BMP5: variants seen among roughly 807,000 people sequenced by gnomAD.
The protein encoded by BMP5 is bone morphogenetic protein 5.
A neutral mutation model predicts 46.6 loss-of-function variants in BMP5; 23 were observed. That is an observed-to-expected ratio of 0.49 (90% confidence interval 0.35 to 0.70). The LOEUF (loss-of-function observed/expected upper bound fraction) is 0.70. BMP5 is among the 30% of genes least tolerant of loss of function. The pLI, the probability that BMP5 is intolerant of heterozygous loss-of-function variation, is 0.00. For missense variants in BMP5, 545 were observed against 565.6 expected (o/e 0.96, Z 0.37); for synonymous variants, 204 against 191.9 (o/e 1.06, Z -0.52).
intron 1 of BMP5, among the ~76,000 whole-genome samples, chr6:55,865,904 C>T (rs1777629792): frequency 6.6e-6 from 1 of 152,156 alleles, no homozygotes; most frequent in Non-Finnish European, 1.5e-5. Context: ...AGCTGGAATT[C>T]AAACCAGTCT....
chr6:55,839,215 A>T (rs187165161), intron 1 of BMP5, among the ~76,000 whole-genome samples: 1 of 152,076 alleles, frequency 6.6e-6, no homozygotes, highest in Admixed American at 6.6e-5. Context: ...TCCAATAAAT[A>T]TTCTACTTAT....
chr6:55,853,268 AT>A (rs1352819619), intron 1 of BMP5, among the ~76,000 whole-genome samples: 2 of 151,912 alleles, frequency 1.3e-5, no homozygotes, highest in East Asian at 3.9e-4. Context: ...GATAGATATT[AT>A]TTATCATATG....
intron 3 of BMP5, among the ~76,000 whole-genome samples, chr6:55,779,231 G>T (rs1046979147): frequency 6.6e-6 from 1 of 151,960 alleles, no homozygotes; most frequent in African/African-American, 2.4e-5. Flanking sequence ...TCTAAACGTT[G>T]ATATCACTTT....
intron 3 of BMP5, among the ~76,000 whole-genome samples, chr6:55,776,342 AC>A: frequency 6.6e-6 from 1 of 151,906 alleles, no homozygotes; most frequent in Non-Finnish European, 1.5e-5. Flanking sequence ...CAAATACCAT[AC>A]CTTGAACTGA....
intron 1 of BMP5, among the ~76,000 whole-genome samples, chr6:55,846,954 A>G (rs182545566): frequency 6.6e-6 from 1 of 151,792 alleles, no homozygotes; most frequent in Non-Finnish European, 1.5e-5. Context: ...ATTTATAGTT[A>G]AAAAGTGGCT....
chr6:55,807,667 C>A (rs6911694), intron 2 of BMP5, among the ~76,000 whole-genome samples: 1,793 of 152,174 alleles, frequency 0.012, 36 homozygotes, highest in African/African-American at 0.04. Context: ...CTGGTAGAAT[C>A]CGGCTGTTAA....
intron 6 of BMP5, among the ~76,000 whole-genome samples, chr6:55,758,540 G>T (rs1324916982): frequency 6.6e-6 from 1 of 151,862 alleles, no homozygotes; most frequent in Non-Finnish European, 1.5e-5. Context: ...ATAAGAAATA[G>T]AAATTAGCTT....
At chr6:55,840,235 CACTA>C (rs961286791) in intron 1 of BMP5, among the ~76,000 whole-genome samples, 10 of 152,066 alleles carry the variant, frequency 6.6e-5, no homozygotes, top group Middle Eastern at 3.4e-3. Flanking sequence ...TTGCTGAATC[CACTA>C]ACTATTTTTC....
chr6:55,855,769 T>G (rs944759716), intron 1 of BMP5, among the ~76,000 whole-genome samples: 4 of 152,202 alleles, frequency 2.6e-5, no homozygotes, highest in Non-Finnish European at 5.9e-5. Flanking sequence ...TGGCTGCTAC[T>G]TTTCTGTTTT....
At chr6:55,772,687 A>G in intron 4 of BMP5, 2 of 857,464 alleles carry the variant, frequency 2.3e-6, no homozygotes, top group Non-Finnish European at 2.8e-6. Context: ...ATAAGGCACT[A>G]GTGTCATGCT....
At chr6:55,787,983 T>C (rs557814017) in intron 3 of BMP5, among the ~76,000 whole-genome samples, 1 of 151,600 alleles carries the variant, frequency 6.6e-6, no homozygotes, top group Non-Finnish European at 1.5e-5. Context: ...TTAGGGACCA[T>C]TGGACCCTAC....
chr6:55,756,968 T>C (rs1394039803), intron 6 of BMP5, among the ~76,000 whole-genome samples: 3 of 151,852 alleles, frequency 2.0e-5, no homozygotes, highest in Non-Finnish European at 4.4e-5. Context: ...AGAACAAACA[T>C]AAAGCGTGCA....
At chr6:55,818,177 C>T (rs553563121) in intron 2 of BMP5, among the ~76,000 whole-genome samples, 1 of 151,980 alleles carries the variant, frequency 6.6e-6, no homozygotes, top group South Asian at 2.1e-4. Context: ...TGGTTGTCTA[C>T]ATGGGATGAC....
chr6:55,859,732 C>T (rs774927142), intron 1 of BMP5, among the ~76,000 whole-genome samples: 10 of 152,134 alleles, frequency 6.6e-5, no homozygotes, highest in Non-Finnish European at 1.3e-4. Context: ...AGTATCATAA[C>T]GTTCTGTTTG....
intron 1 of BMP5, among the ~76,000 whole-genome samples, chr6:55,840,897 T>C (rs1776931145): frequency 6.6e-6 from 1 of 152,164 alleles, no homozygotes; most frequent in African/African-American, 2.4e-5. Context: ...AAAAGGGGTC[T>C]CCAACCCCCA....
intron 3 of BMP5, among the ~76,000 whole-genome samples, chr6:55,792,911 G>A (rs561671009): frequency 2.6e-5 from 4 of 152,130 alleles, no homozygotes; most frequent in South Asian, 4.2e-4. Context: ...AATAAGATAC[G>A]TTCTCTTATT....
chr6:55,804,141 A>G (rs1775927817), intron 2 of BMP5, among the ~76,000 whole-genome samples: 1 of 152,258 alleles, frequency 6.6e-6, no homozygotes, highest in South Asian at 2.1e-4. Context: ...ATGTTGAAGT[A>G]CTAGTCCCTC....
At chr6:55,853,961 T>C (rs918698817) in intron 1 of BMP5, among the ~76,000 whole-genome samples, 1 of 152,172 alleles carries the variant, frequency 6.6e-6, no homozygotes, top group East Asian at 1.9e-4. Context: ...TACTTCAGAA[T>C]TTTTTACCAA....
intron 1 of BMP5, among the ~76,000 whole-genome samples, chr6:55,846,970 A>T (rs1777111962): frequency 6.6e-6 from 1 of 151,828 alleles, no homozygotes; most frequent in African/African-American, 2.4e-5. Flanking sequence ...TGGCTTCAAT[A>T]TGAAATTATT....
Sources: gnomAD v4.1 joint callset for allele counts (sites outside exome capture counted in the v4.1 genomes callset) on GRCh38, gnomAD v4.1.1 for gene constraint, MANE v1.5 for transcripts, NCBI Gene and HGNC (gene_info 2026-07-23, HGNC 2026-07-21) for gene names.